The following ACTN4 variants were observed in gnomAD, a reference collection of about 807,000 sequenced individuals.
ACTN4 encodes the protein actinin alpha 4.
A neutral mutation model predicts 114.2 loss-of-function variants in ACTN4; 18 were observed. The observed-to-expected ratio is 0.16, with a 90% CI of 0.11 to 0.23. ACTN4 has a LOEUF of 0.23. Among genes scored for constraint, ACTN4 ranks in the 10% least tolerant of loss-of-function variants. The pLI, the probability that ACTN4 is intolerant of heterozygous loss-of-function variation, is 1.00. For synonymous variants in ACTN4, 515 were observed against 506.3 expected, an observed-to-expected ratio of 1.02 and a Z score of -0.23; for missense variants, 722 against 1,262.9, an observed-to-expected ratio of 0.57 and a Z score of 6.49.
chr19:38,696,735 A>C lies in ACTN4; in HGVS notation c.163-3865A>C, dbSNP rs34862518. On this transcript the variant is annotated intron_variant, in intron 1 of 20. Coordinates refer to ENST00000252699, the MANE Select transcript of ACTN4 (RefSeq NM_004924.6). ...AGGACAAAACAGGGCAAAGCAAGAC[A>C]TGGGGTGAGAACAGGAGTGCATCAG... Among the ~76,000 whole-genome samples the C allele has an allele frequency of 4.4e-4, 67 of 152,202 alleles. 1 individual carries two copies. Among genetic ancestry groups the C allele is most frequent in the Non-Finnish European group, 6.6e-4 (45 of 68,000 alleles).
chr19:38,720,247 A>G (rs1968993759), intron 11 of ACTN4, among the ~76,000 whole-genome samples: 1 of 152,084 alleles, frequency 6.6e-6, no homozygotes, highest in African/African-American at 2.4e-5. Context: ...ATTTCCTGGG[A>G]ATACGACCAA....
intron 1 of ACTN4, among the ~76,000 whole-genome samples, chr19:38,692,219 A>G (rs536139819): frequency 2.0e-5 from 3 of 152,344 alleles, no homozygotes; most frequent in African/African-American, 7.2e-5. Context: ...TTATGTCGTC[A>G]TGTAACAGGC....
intron 1 of ACTN4, among the ~76,000 whole-genome samples, chr19:38,700,199 C>G (rs1258280593): frequency 6.6e-6 from 1 of 152,152 alleles, no homozygotes; most frequent in Non-Finnish European, 1.5e-5. Flanking sequence ...GAGCCTGGTG[C>G]TCAGTCATGT....
chr19:38,729,715 T>G lies in ACTN4; in HGVS notation c.*283T>G. ...TTTTAACCAAGGAGGGGCCAGTGGA[T>G]TCCCACAGCACAACCGGTCCCTTCC... is the stretch of plus-strand genomic sequence containing the variant. On this transcript the variant is annotated 3_prime_UTR_variant, in exon 21 of 21. Transcript: ENST00000252699. 1.6e-6 allele frequency: 1 copy of G among 614,934 alleles called. No individual in the cohort carries two copies. The highest frequency in any genetic ancestry group is 3.0e-6 in the Non-Finnish European group (1 of 331,260). The allele number at this position is 614,934 out of a possible 1,614,324, so 38.1% of individuals were successfully genotyped here. A position where few individuals can be genotyped will look rare whatever the true frequency, so the allele number is the denominator to read the frequency against.
chr19:38,665,291 G>A (rs1204078632), intron 1 of ACTN4, among the ~76,000 whole-genome samples: 4 of 152,222 alleles, frequency 2.6e-5, no homozygotes, highest in South Asian at 2.1e-4. Flanking sequence ...GTGCGACCCT[G>A]GGCAGGTGGC....
Position 38,731,185 on chromosome 19 carries a change from T to TG in ACTN4, c.*1755dup, listed in dbSNP as rs376818649. 6.2e-7 allele frequency: 1 copy of TG among 1,612,932 alleles called. No individual in the cohort carries two copies. Among genetic ancestry groups the TG allele is most frequent in the Non-Finnish European group, 8.5e-7 (1 of 1,179,986 alleles). ...CGCAGACGGCTATCCCGGTAGCGGCTGGTGAGGGTCTGGGTCAGCTGGTTG... is the reference window on the plus strand; with the variant it reads ...CGCAGACGGCTATCCCGGTAGCGGCTGGGTGAGGGTCTGGGTCAGCTGGTTG... On this transcript the variant is annotated 3_prime_UTR_variant, in exon 21 of 21. Transcript: ENST00000252699.
intron 8 of ACTN4, 32 bp from the exon 9 acceptor site, chr19:38,714,437 C>T (rs191762221): frequency 1.2e-6 from 2 of 1,607,082 alleles, no homozygotes; most frequent in Admixed American, 3.3e-5. Flanking sequence ...TGGCCAGCCC[C>T]CAGGCAGCCC....
chr19:38,660,068 G>A (rs1166185287), intron 1 of ACTN4, among the ~76,000 whole-genome samples: 1 of 152,064 alleles, frequency 6.6e-6, no homozygotes, highest in Non-Finnish European at 1.5e-5. Context: ...GACTACAGGC[G>A]TGGCCATCAT....
chr19:38,722,991 G>C (rs2145087042), intron 12 of ACTN4, among the ~76,000 whole-genome samples: 1 of 152,330 alleles, frequency 6.6e-6, no homozygotes, highest in South Asian at 2.1e-4. Context: ...GGGCAGCCCT[G>C]CTGAGCACTG....
At chr19:38,648,122 G>A in intron 1 of ACTN4, 1 of 521,048 alleles carries the variant, frequency 1.9e-6, no homozygotes, top group Non-Finnish European at 3.2e-6. Context: ...TGGCGGCTGG[G>A]TGGGGAATAT....
At chr19:38,664,154 A>G (rs1976979896) in intron 1 of ACTN4, among the ~76,000 whole-genome samples, 1 of 152,076 alleles carries the variant, frequency 6.6e-6, no homozygotes, top group East Asian at 1.9e-4. Context: ...GTGGCCTAGG[A>G]GTGTGCTGCC....
chr19:38,714,382 C>A, intron 8 of ACTN4, 87 bp from the exon 9 acceptor site: 3 of 1,238,706 alleles, frequency 2.4e-6, no homozygotes, highest in Non-Finnish European at 3.5e-6. Flanking sequence ...TTCCGTGGGC[C>A]ATGGACCAGC....
In ACTN4 at chr19:38,671,087, A is replaced by G. The variant is rs372623513; in HGVS notation, c.162+23180A>G. Among the ~76,000 whole-genome samples the G allele has an allele frequency of 5.3e-5, 8 of 152,038 alleles. No homozygotes were observed. The South Asian group carries it at 6.2e-4, about 12-fold the overall frequency. ...ATTGCTGCTGCTTAATCCTCTCACTAGGAGCGAGAAAATTGTACTTTGCCC... is the reference window on the plus strand; with the variant it reads ...ATTGCTGCTGCTTAATCCTCTCACTGGGAGCGAGAAAATTGTACTTTGCCC... On this transcript the variant is annotated intron_variant, in intron 1 of 20. Transcript: ENST00000252699.
At chr19:38,722,038 G>A (rs540483198) in intron 12 of ACTN4, among the ~76,000 whole-genome samples, 2 of 152,272 alleles carry the variant, frequency 1.3e-5, no homozygotes, top group African/African-American at 4.8e-5. Context: ...CCCAGCCTCC[G>A]TTGCTCCCAG....
At chr19:38,695,373 G>A (rs1285812432) in intron 1 of ACTN4, among the ~76,000 whole-genome samples, 1 of 152,198 alleles carries the variant, frequency 6.6e-6, no homozygotes, top group East Asian at 1.9e-4. Flanking sequence ...AGAGCTCGAT[G>A]CTTTTTGCCT....
chr19:38,714,764 C>A (rs1968784175), intron 9 of ACTN4, among the ~76,000 whole-genome samples: 1 of 152,228 alleles, frequency 6.6e-6, no homozygotes, highest in Admixed American at 6.5e-5. Context: ...CCGGCAGCCA[C>A]CTTGCCAGCC....
At chr19:38,677,111 T>C (rs929699950) in intron 1 of ACTN4, among the ~76,000 whole-genome samples, 9 of 152,166 alleles carry the variant, frequency 5.9e-5, no homozygotes, top group African/African-American at 1.7e-4. Flanking sequence ...ACCTACCTCC[T>C]CCTCATTCTT....
In ACTN4 at chr19:38,726,891, C is replaced by T. The variant is rs182645368; in HGVS notation, c.2191-66C>T. The T allele has an allele frequency of 9.3e-5, 149 of 1,607,190 alleles. No homozygotes were observed. In the East Asian group the frequency reaches 1.6e-3, roughly 17 times the overall value. On this transcript the variant is annotated intron_variant, in intron 17 of 20. Coordinates refer to ENST00000252699, the MANE Select transcript of ACTN4 (RefSeq NM_004924.6). ...CGGGAGGACAGTTCACAGTCCTCCACGTGTGAACCACGGTGAGGACAGTTC... is the reference window on the plus strand; with the variant it reads ...CGGGAGGACAGTTCACAGTCCTCCATGTGTGAACCACGGTGAGGACAGTTC...
chr19:38,687,362 G>A (rs1967781732), intron 1 of ACTN4, among the ~76,000 whole-genome samples: 1 of 152,136 alleles, frequency 6.6e-6, no homozygotes, highest in Admixed American at 6.5e-5. Flanking sequence ...CTTCATGTTA[G>A]ACTCACTAGG....
Sources: gnomAD v4.1 joint callset for allele counts (sites outside exome capture counted in the v4.1 genomes callset) on GRCh38, gnomAD v4.1.1 for gene constraint, MANE v1.5 for transcripts, NCBI Gene and HGNC (gene_info 2026-07-23, HGNC 2026-07-21) for gene names.